NETO1: variants seen among roughly 807,000 people sequenced by gnomAD.
NETO1 encodes the protein neuropilin and tolloid-like protein 1.
NETO1 carries 26 observed loss-of-function variants against 61.3 expected under a neutral mutation model. That is an observed-to-expected ratio of 0.42 (90% CI 0.31 to 0.59). The LOEUF is 0.59. Among genes scored for constraint, NETO1 ranks in the 20% least tolerant of loss-of-function variants. The probability of loss-of-function intolerance (pLI) is 0.12; values close to 1 mark genes in which losing one functional copy is unlikely to be tolerated. For synonymous variants in NETO1, 225 were observed against 225.8 expected, an observed-to-expected ratio of 1.00 and a Z score of 0.03; for missense variants, 531 against 662.8, an observed-to-expected ratio of 0.80 and a Z score of 2.18.
At chr18:72,835,556 G>A (rs2073718383) in intron 4 of NETO1, among the ~76,000 whole-genome samples, 1 of 152,180 alleles carries the variant, frequency 6.6e-6, no homozygotes, top group Non-Finnish European at 1.5e-5. Context: ...TAATTAGAAA[G>A]CCTTTCTGAA....
At chr18:72,749,144 T>C in intron 9 of NETO1, 56 bp from the exon 10 acceptor site, 1 of 993,564 alleles carries the variant, frequency 1.0e-6, no homozygotes, top group Non-Finnish European at 1.6e-6. Flanking sequence ...AAAAAATATG[T>C]ATACAAATAT....
chr18:72,772,759 C>CTATATA (rs35617731), intron 7 of NETO1, among the ~76,000 whole-genome samples: 15,184 of 101,988 alleles, frequency 0.15, 1,758 homozygotes, highest in East Asian at 0.2. Flanking sequence ...CTATATATAT[C>CTATATA]TATATATATA....
Position 72,794,424 on chromosome 18 carries a change from A to C in NETO1, c.470-20T>G. 6.2e-7 allele frequency: 1 copy of C among 1,602,646 alleles called. No individual in the cohort carries two copies. Among genetic ancestry groups the C allele is most frequent in the African/African-American group, 1.3e-5 (1 of 74,262 alleles). ...CAGGATCTTAAAAATTGAGAAAAAG[A>C]CAATTAGTCCCATTCTACATTTATT... On this transcript the variant is annotated intron_variant, in intron 4 of 10. Coordinates refer to ENST00000327305, the MANE Select transcript of NETO1 (RefSeq NM_138966.5).
chr18:72,865,805 T>C (rs1249411235), intron 1 of NETO1: 6 of 1,048,408 alleles, frequency 5.7e-6, no homozygotes, highest in Non-Finnish European at 7.8e-6. Context: ...ATTATTGGAA[T>C]GTTGCCTACA....
intron 4 of NETO1, among the ~76,000 whole-genome samples, chr18:72,837,217 G>C (rs1334801572): frequency 6.6e-6 from 1 of 152,152 alleles, no homozygotes; most frequent in East Asian, 1.9e-4. Context: ...TTCATTTGGG[G>C]ATCTGGGGCA....
intron 6 of NETO1, among the ~76,000 whole-genome samples, chr18:72,787,792 C>T (rs571894929): frequency 6.6e-6 from 1 of 152,288 alleles, no homozygotes; most frequent in East Asian, 1.9e-4. Flanking sequence ...ACTCATCACA[C>T]TATGCAGCCT....
intron 3 of NETO1, 151 bp from the exon 4 acceptor site, chr18:72,859,225 C>A: frequency 1.4e-6 from 1 of 718,546 alleles, no homozygotes; most frequent in South Asian, 3.0e-5. Flanking sequence ...TGATACTATT[C>A]TACGGGACAC....
intron 8 of NETO1, among the ~76,000 whole-genome samples, chr18:72,753,687 T>C (rs2070697289): frequency 1.3e-5 from 2 of 152,174 alleles, no homozygotes; most frequent in African/African-American, 4.8e-5. Context: ...TAGAGTGGCA[T>C]CTTTCTTCTG....
At chr18:72,832,775 T>G (rs1162362439) in intron 4 of NETO1, among the ~76,000 whole-genome samples, 4 of 152,202 alleles carry the variant, frequency 2.6e-5, no homozygotes, top group Non-Finnish European at 5.9e-5. Flanking sequence ...AGTACCAAAC[T>G]TTATAGTGTT....
At chr18:72,805,834 A>G (rs1332577174) in intron 4 of NETO1, among the ~76,000 whole-genome samples, 1 of 152,164 alleles carries the variant, frequency 6.6e-6, no homozygotes, top group African/African-American at 2.4e-5. Context: ...AAAACAGATA[A>G]AATACAATTT....
rs2074483658 is a variant in NETO1, at chr18:72,858,845, A to G, written c.450T>C (p.Ala150=). 9 of 1,611,646 alleles carry G rather than the reference A, an allele frequency of 5.6e-6. No homozygotes were observed. The highest frequency in any genetic ancestry group is 7.6e-6 in the Non-Finnish European group (9 of 1,179,120). Residue 150 remains alanine (A), a synonymous_variant, in exon 4 of 11, where the codon GCT becomes GCC. Coordinates refer to ENST00000327305, the MANE Select transcript of NETO1 (RefSeq NM_138966.5). ...DGELESMGFS[A]RYNFTPDPDF... is the part of the protein sequence containing the mutation. ...ACTTACCAGGTGTGAAATTGTATCG[A>G]GCTGAAAATCCCATAGATTCCAGCT...
rs1422522179 is a variant in NETO1, at chr18:72,867,503, G to C, written c.-212C>G. ...GATGAGTCCGTCCTCCGCCCCGGGC[G>C]GGCTCTCGCTCTCGCTGGCCCTCAG... On this transcript the variant is annotated 5_prime_UTR_variant, in exon 1 of 11. Transcript: ENST00000327305. The C allele has an allele frequency of 5.1e-6, 2 of 393,470 alleles. No homozygotes were observed. Among genetic ancestry groups the C allele is most frequent in the Admixed American group, 4.5e-5 (1 of 22,470 alleles). The allele number at this position is 393,470 out of a possible 1,614,324, so 24.4% of individuals were successfully genotyped here. A position where few individuals can be genotyped will look rare whatever the true frequency, so the allele number is the denominator to read the frequency against.
intron 8 of NETO1, 78 bp downstream of exon 8, chr18:72,755,956 G>A: frequency 1.4e-6 from 1 of 708,796 alleles, no homozygotes; most frequent in Admixed American, 2.1e-5. Context: ...TTTAAAGACT[G>A]TCTGATTGAT....
At chr18:72,810,549 C>T (rs2072831535) in intron 4 of NETO1, among the ~76,000 whole-genome samples, 1 of 152,190 alleles carries the variant, frequency 6.6e-6, no homozygotes, top group Admixed American at 6.5e-5. Context: ...AAATGGAAGT[C>T]TTAGAATTTT....
rs772825672 is a variant in NETO1, at chr18:72,867,343, G to C, written c.-52C>G. ...GGCTCCACTAATTCCATTTAGAGAC[G>C]GGAAGACTTCCAGTGGCGGGGGGAG... On this transcript the variant is annotated 5_prime_UTR_variant, in exon 1 of 11. Transcript: ENST00000327305. The C allele has an allele frequency of 6.6e-6, 10 of 1,510,208 alleles. No individual in the cohort carries two copies. Among genetic ancestry groups the C allele is most frequent in the African/African-American group, 4.3e-5 (3 of 70,028 alleles). 93.6% of individuals were successfully genotyped at this position (1,510,208 alleles called of 1,614,324 possible). A position where few individuals can be genotyped will look rare whatever the true frequency, so the allele number is the denominator to read the frequency against.
Position 72,744,861 on chromosome 18 carries a change from G to A in NETO1, c.*3318C>T, listed in dbSNP as rs1180739467. 6.6e-6 allele frequency: 1 copy of A among 152,164 alleles called. No individual in the cohort carries two copies. The highest frequency in any genetic ancestry group is 1.9e-4 in the East Asian group (1 of 5,198). The allele number at this position is 152,164 out of a possible 1,614,324, so 9.4% of individuals were successfully genotyped here. A position where few individuals can be genotyped will look rare whatever the true frequency, so the allele number is the denominator to read the frequency against. On this transcript the variant is annotated 3_prime_UTR_variant, in exon 11 of 11. Transcript: ENST00000327305. ...TAATTTATTATGATATTCTGAGGTT[G>A]AGGAAAACCCATTCATGGAATTTTT...
chr18:72,758,216 G>A (rs1306510201), intron 7 of NETO1, among the ~76,000 whole-genome samples: 1 of 152,108 alleles, frequency 6.6e-6, no homozygotes, highest in African/African-American at 2.4e-5. Flanking sequence ...AACTATCAAT[G>A]TTCCAGGATC....
At chr18:72,771,856 T>G (rs2071362235) in intron 7 of NETO1, among the ~76,000 whole-genome samples, 1 of 152,136 alleles carries the variant, frequency 6.6e-6, no homozygotes. Context: ...AGTCACAAAT[T>G]ATCACAAATT....
At chr18:72,783,645 G>A (rs373770057) in intron 7 of NETO1, 33 bp downstream of exon 7, 146 of 1,585,490 alleles carry the variant, frequency 9.2e-5, no homozygotes, top group Middle Eastern at 6.6e-4. Flanking sequence ...TGGCATATAC[G>A]AAGGAAAAAT....
Sources: allele counts gnomAD v4.1 joint callset (sites outside exome capture counted in the v4.1 genomes callset), GRCh38; gene constraint gnomAD v4.1.1; transcripts MANE v1.5; gene names NCBI Gene and HGNC (gene_info 2026-07-23, HGNC 2026-07-21).